The following TIAM1 variants were observed in gnomAD, a reference collection of about 807,000 sequenced individuals.
TIAM1 encodes TIAM Rac1 associated GEF 1.
A neutral mutation model predicts 163.5 loss-of-function variants in TIAM1; 65 were observed. That is an observed-to-expected ratio of 0.40 (90% CI 0.33 to 0.49). The LOEUF (loss-of-function observed/expected upper bound fraction) is 0.49. Ranked by LOEUF, TIAM1 falls within the 20% of genes least tolerant of loss-of-function variation. The pLI is 0.77. For synonymous variants in TIAM1, 833 were observed against 810.1 expected, an observed-to-expected ratio of 1.03 and a Z score of -0.48; for missense variants, 1,789 against 2,044.7, an observed-to-expected ratio of 0.87 and a Z score of 2.41.
chr21:31,532,705 G>A (rs981777670), intron 1 of TIAM1, among the ~76,000 whole-genome samples: 1 of 152,090 alleles, frequency 6.6e-6, no homozygotes, highest in Non-Finnish European at 1.5e-5. Context: ...TGGGGTGAAG[G>A]GGCCCATTAA....
chr21:31,320,585 A>G (rs1238528839), intron 2 of TIAM1, among the ~76,000 whole-genome samples: 1 of 152,222 alleles, frequency 6.6e-6, no homozygotes, highest in Non-Finnish European at 1.5e-5. Flanking sequence ...AGAAAATGGC[A>G]TTCAGGGTAT....
At chr21:31,314,521 T>A (rs1258107752) in intron 2 of TIAM1, among the ~76,000 whole-genome samples, 1 of 152,288 alleles carries the variant, frequency 6.6e-6, no homozygotes, top group African/African-American at 2.4e-5. Context: ...TGCACATACA[T>A]CAGTTTTTCT....
chr21:31,165,145 G>A, intron 15 of TIAM1, 80 bp from the exon 16 acceptor site: 2 of 1,275,660 alleles, frequency 1.6e-6, no homozygotes, highest in Non-Finnish European at 2.2e-6. Context: ...AGGGGGACAA[G>A]GAATCTCGCT....
At chr21:31,543,502 A>G (rs996903763) in intron 1 of TIAM1, among the ~76,000 whole-genome samples, 1 of 125,794 alleles carries the variant, frequency 7.9e-6, no homozygotes, top group African/African-American at 2.6e-5. Flanking sequence ...CTATAACAAC[A>G]CACAGAAAAG....
intron 15 of TIAM1, among the ~76,000 whole-genome samples, chr21:31,176,886 G>A (rs2146415444): frequency 1.3e-5 from 2 of 152,090 alleles, no homozygotes. Context: ...CCCACACTAG[G>A]TGACTCATGA....
intron 2 of TIAM1, among the ~76,000 whole-genome samples, chr21:31,419,167 T>C (rs2043478556): frequency 6.6e-6 from 1 of 152,194 alleles, no homozygotes; most frequent in Non-Finnish European, 1.5e-5. Context: ...GATTCACGTA[T>C]GAAGAGCACT....
chr21:31,168,235 G>C (rs2084334224), intron 15 of TIAM1, among the ~76,000 whole-genome samples: 1 of 151,870 alleles, frequency 6.6e-6, no homozygotes, highest in African/African-American at 2.4e-5. Context: ...TGGGATTACA[G>C]GTGCCCGTCA....
intron 2 of TIAM1, among the ~76,000 whole-genome samples, chr21:31,317,067 T>C (rs1035701136): frequency 6.6e-6 from 1 of 152,288 alleles, no homozygotes; most frequent in Admixed American, 6.5e-5. Context: ...TTTGTCTCAG[T>C]TGGTCCAGAA....
At chr21:31,327,912 T>C (rs845959) in intron 2 of TIAM1, among the ~76,000 whole-genome samples, 55,678 of 151,654 alleles carry the variant, frequency 0.37, 10,780 homozygotes, top group African/African-American at 0.46. Context: ...CCTAGTCCTA[T>C]CCACAACCCT....
intron 11 of TIAM1, among the ~76,000 whole-genome samples, chr21:31,208,516 G>GA (rs2086566466): frequency 6.6e-6 from 1 of 152,134 alleles, no homozygotes. Flanking sequence ...TAATTAACAT[G>GA]AAAAAATTGT....
intron 1 of TIAM1, among the ~76,000 whole-genome samples, chr21:31,485,182 A>G (rs1395881518): frequency 6.6e-6 from 1 of 152,228 alleles, no homozygotes; most frequent in Non-Finnish European, 1.5e-5. Flanking sequence ...ACTGAGGAAC[A>G]GAGACTGAAG....
intron 2 of TIAM1, among the ~76,000 whole-genome samples, chr21:31,281,386 C>T (rs2073560276): frequency 6.6e-6 from 1 of 152,118 alleles, no homozygotes; most frequent in Non-Finnish European, 1.5e-5. Flanking sequence ...AGATAATCAA[C>T]ATGTAACACT....
chr21:31,215,828 C>G (rs1176095195), intron 9 of TIAM1, among the ~76,000 whole-genome samples: 3 of 152,120 alleles, frequency 2.0e-5, no homozygotes, highest in Admixed American at 6.5e-5. Context: ...CATCTGCTCT[C>G]CGCAGGTTCC....
chr21:31,436,960 C>CAATAAA (rs1432556633), intron 2 of TIAM1, among the ~76,000 whole-genome samples: 1 of 151,702 alleles, frequency 6.6e-6, no homozygotes, highest in Non-Finnish European at 1.5e-5. Flanking sequence ...TCCATCTCAA[C>CAATAAA]AATAAAAATA....
intron 6 of TIAM1, among the ~76,000 whole-genome samples, chr21:31,242,860 C>CAAAAAAAAAAAAAAAAAAAAAAAAAA (rs11417948): frequency 1.1e-5 from 1 of 95,092 alleles, no homozygotes; most frequent in Non-Finnish European, 2.0e-5. Flanking sequence ...GACTCTGTCT[C>CAAAAAAAAAAAAAAAAAAAAAAAAAA]AAAAAAAAAA....
At position 31,557,654 on chromosome 21, in the gene TIAM1, T is replaced by C. The variant is rs572255980; in HGVS notation, c.-422+1273A>G. Among the ~76,000 whole-genome samples, 3 of 152,274 alleles carry C rather than the reference T, an allele frequency of 2.0e-5. No individual in the cohort carries two copies. In the South Asian group the frequency reaches 6.2e-4, roughly 32 times the overall value. ...GCATGGGTAACCCGATCCGGACGGC[T>C]CTGACTCGGGATGCGGCACAGCTGC... On this transcript the variant is annotated intron_variant, in intron 1 of 28. Coordinates refer to the TIAM1 transcript ENST00000286827.
At chr21:31,357,932 C>T (rs1228315580) in intron 2 of TIAM1, among the ~76,000 whole-genome samples, 1 of 152,224 alleles carries the variant, frequency 6.6e-6, no homozygotes, top group African/African-American at 2.4e-5. Flanking sequence ...TCCTCCTCTT[C>T]TCCCTGACCT....
chr21:31,543,769 G>T (rs2048396511), intron 1 of TIAM1, among the ~76,000 whole-genome samples: 1 of 152,222 alleles, frequency 6.6e-6, no homozygotes, highest in South Asian at 2.1e-4. Context: ...TGTCAGACAA[G>T]ATTGAAAAAC....
At chr21:31,255,291 A>G (rs1208278835) in intron 4 of TIAM1, among the ~76,000 whole-genome samples, 2 of 152,076 alleles carry the variant, frequency 1.3e-5, no homozygotes, top group Admixed American at 1.3e-4. Flanking sequence ...ACATGCCCCC[A>G]CTGATATGTG....
Sources: gnomAD v4.1 joint callset for allele counts (sites outside exome capture counted in the v4.1 genomes callset) on GRCh38, gnomAD v4.1.1 for gene constraint, MANE v1.5 for transcripts, NCBI Gene and HGNC (gene_info 2026-07-23, HGNC 2026-07-21) for gene names.